The following FERMT2 variants were observed in gnomAD, a reference collection of about 807,000 sequenced individuals.
FERMT2 encodes FERM domain containing kindlin 2.
FERMT2 carries 15 observed loss-of-function variants against 82.7 expected under a neutral mutation model. That is an observed-to-expected ratio of 0.18 (90% CI 0.12 to 0.28). FERMT2 has a LOEUF of 0.28. FERMT2 is among the 10% of genes least tolerant of loss of function. FERMT2 has a pLI of 1.00. For missense variants in FERMT2, 645 were observed against 809.4 expected (o/e 0.80, Z 2.46); for synonymous variants, 274 against 271.5 (o/e 1.01, Z -0.09).
chr14:52,919,763 GT>G (rs1888846395), intron 2 of FERMT2, among the ~76,000 whole-genome samples: 1 of 152,204 alleles, frequency 6.6e-6, no homozygotes, highest in African/African-American at 2.4e-5. Context: ...ACAGACTGTG[GT>G]TTATGAAGTT....
chr14:52,939,262 A>AGCTAGTG lies in FERMT2; in HGVS notation c.157+11149_157+11150insCACTAGC, dbSNP rs1889986308. 2.7e-5 allele frequency among the ~76,000 whole-genome samples: 4 copies of AGCTAGTG among 150,442 alleles called. No homozygotes were observed. In the South Asian group the frequency reaches 8.4e-4, roughly 32 times the overall value. On this transcript the variant is annotated intron_variant, in intron 2 of 14. Transcript: ENST00000341590. The stretch of plus-strand genomic sequence containing the variant: ...GTGGTGCGTGCCTGTAATCCCAGCT[A>AGCTAGTG]CTCAGGAGGCTGGGGCACTAGAATC...
intron 3 of FERMT2, among the ~76,000 whole-genome samples, chr14:52,911,159 C>G (rs1026948815): frequency 6.6e-6 from 1 of 152,162 alleles, no homozygotes; most frequent in Non-Finnish European, 1.5e-5. Flanking sequence ...CAGCTCTACT[C>G]AATACTGCTG....
intron 12 of FERMT2, among the ~76,000 whole-genome samples, chr14:52,864,147 C>A (rs1029118925): frequency 1.3e-5 from 2 of 152,002 alleles, no homozygotes; most frequent in African/African-American, 4.8e-5. Context: ...ATTATACTTA[C>A]CAGTTGAGGA....
chr14:52,859,377 C>A, intron 14 of FERMT2, 196 bp downstream of exon 14: 1 of 486,482 alleles, frequency 2.1e-6, no homozygotes, highest in Non-Finnish European at 3.5e-6. Flanking sequence ...GCAAATTATG[C>A]ACTTAGAATT....
chr14:52,868,861 C>A (rs2140078772), intron 10 of FERMT2, among the ~76,000 whole-genome samples: 1 of 152,258 alleles, frequency 6.6e-6, no homozygotes, highest in African/African-American at 2.4e-5. Flanking sequence ...GAGCAGCATC[C>A]AGACCATTTG....
chr14:52,918,050 T>C (rs1275509350), intron 3 of FERMT2, among the ~76,000 whole-genome samples: 2 of 152,212 alleles, frequency 1.3e-5, no homozygotes, highest in African/African-American at 4.8e-5. Flanking sequence ...ATTTAAAACA[T>C]TTGAAAATGT....
At chr14:52,896,674 T>C (rs932986288) in intron 3 of FERMT2, among the ~76,000 whole-genome samples, 1 of 152,240 alleles carries the variant, frequency 6.6e-6, no homozygotes, top group Non-Finnish European at 1.5e-5. Context: ...TGTCTTAATG[T>C]TTTTCCTCTA....
At chr14:52,917,485 G>C (rs1888678894) in intron 3 of FERMT2, among the ~76,000 whole-genome samples, 1 of 151,836 alleles carries the variant, frequency 6.6e-6, no homozygotes, top group Non-Finnish European at 1.5e-5. Context: ...TGGGAATTTG[G>C]TATTCTTTGT....
At chr14:52,905,579 T>G (rs1288959567) in intron 3 of FERMT2, among the ~76,000 whole-genome samples, 2 of 152,062 alleles carry the variant, frequency 1.3e-5, no homozygotes, top group Non-Finnish European at 2.9e-5. Flanking sequence ...TGGAGAGACG[T>G]GGAAAGACTG....
intron 3 of FERMT2, among the ~76,000 whole-genome samples, chr14:52,908,398 T>C (rs1287199885): frequency 6.6e-6 from 1 of 152,184 alleles, no homozygotes; most frequent in East Asian, 1.9e-4. Flanking sequence ...AAGCTTTTTT[T>C]TAAAATAATG....
At position 52,919,133 on chromosome 14, in the gene FERMT2, A is replaced by G; in HGVS notation, c.381T>C (p.Cys127=). The G allele has an allele frequency of 6.2e-7, 1 of 1,605,944 alleles. No individual in the cohort carries two copies. The highest frequency in any genetic ancestry group is 8.5e-7 in the Non-Finnish European group (1 of 1,172,794). ...TTATGTAATACTTACTAAAAGTCTT[A>G]CAGATGTCAGAAACAGCTTTGAAGA... ...DRVFKAVSDI[C]KTFNIRHPEE... Residue 127 remains cysteine (C), a synonymous_variant, in exon 3 of 15, where the codon TGT becomes TGC. Coordinates refer to ENST00000341590, the MANE Select transcript of FERMT2 (RefSeq NM_006832.3).
At chr14:52,936,568 C>T (rs1889846709) in intron 2 of FERMT2, among the ~76,000 whole-genome samples, 1 of 152,160 alleles carries the variant, frequency 6.6e-6, no homozygotes, top group South Asian at 2.1e-4. Context: ...GATTGCTCCC[C>T]CATCATCACC....
chr14:52,905,947 G>A (rs1471113647), intron 3 of FERMT2, among the ~76,000 whole-genome samples: 1 of 152,170 alleles, frequency 6.6e-6, no homozygotes, highest in East Asian at 1.9e-4. Context: ...GTAAGTTGGG[G>A]TAACAGGAAC....
chr14:52,883,519 G>A (rs377497234), intron 4 of FERMT2, among the ~76,000 whole-genome samples: 4 of 152,268 alleles, frequency 2.6e-5, no homozygotes, highest in South Asian at 4.2e-4. Flanking sequence ...AATCTGTTAC[G>A]AAGAATGTCA....
At chr14:52,875,904 C>T (rs1018670324) in intron 7 of FERMT2, among the ~76,000 whole-genome samples, 6 of 152,092 alleles carry the variant, frequency 3.9e-5, no homozygotes, top group Admixed American at 6.5e-5. Flanking sequence ...TACGTGAGTA[C>T]GCACATGGAC....
intron 2 of FERMT2, among the ~76,000 whole-genome samples, chr14:52,939,430 A>C (rs2139694383): frequency 6.6e-6 from 1 of 152,026 alleles, no homozygotes; most frequent in African/African-American, 2.4e-5. Context: ...GCACATTCTC[A>C]ATCTTTTATA....
chr14:52,928,948 T>C (rs1889435759), intron 2 of FERMT2, among the ~76,000 whole-genome samples: 1 of 152,116 alleles, frequency 6.6e-6, no homozygotes, highest in Non-Finnish European at 1.5e-5. Flanking sequence ...CTTCTTTCCT[T>C]ACATTGGCTC....
rs17125888 is a variant in FERMT2, at chr14:52,913,350, T to A, written c.391+5773A>T. Reference sequence around the variant, plus strand: ...GGAGTAAATGGGCCAATATACTCAATGCATGGATGAGCGCTCTCACTGGAT... The same window carrying A: ...GGAGTAAATGGGCCAATATACTCAAAGCATGGATGAGCGCTCTCACTGGAT... On this transcript the variant is annotated intron_variant, in intron 3 of 14. Coordinates refer to ENST00000341590, the MANE Select transcript of FERMT2 (RefSeq NM_006832.3). Among the ~76,000 whole-genome samples the A allele has an allele frequency of 5.0e-3, 764 of 152,296 alleles. 6 individuals are homozygous for A. Among genetic ancestry groups the A allele is most frequent in the East Asian group, 0.049 (255 of 5,178 alleles).
At chr14:52,914,234 G>GT in intron 3 of FERMT2, among the ~76,000 whole-genome samples, 1 of 151,994 alleles carries the variant, frequency 6.6e-6, no homozygotes. Context: ...GCCAGGCATG[G>GT]TGGTGCATGC....
Sources: gnomAD v4.1 joint callset for allele counts (sites outside exome capture counted in the v4.1 genomes callset) on GRCh38, gnomAD v4.1.1 for gene constraint, MANE v1.5 for transcripts, NCBI Gene and HGNC (gene_info 2026-07-23, HGNC 2026-07-21) for gene names.